The following ZAN variants were observed in gnomAD, a reference collection of about 807,000 sequenced individuals.
The protein encoded by ZAN is zonadhesin (gene/pseudogene).
ZAN carries 260 observed loss-of-function variants against 286.2 expected under a neutral mutation model. That is an observed-to-expected ratio of 0.91 (90% CI 0.82 to 1.01). ZAN has a LOEUF of 1.01. Ranked by LOEUF, ZAN falls within the 50% of genes least tolerant of loss-of-function variation. The probability of loss-of-function intolerance (pLI) is 0.00; values close to 1 mark genes in which losing one functional copy is unlikely to be tolerated. For missense variants in ZAN, 3,410 were observed against 3,639.2 expected (o/e 0.94, Z 1.62); for synonymous variants, 1,368 against 1,417.5 (o/e 0.97, Z 0.79).
chr7:100,737,616 G>C (rs932903021), intron 6 of ZAN, among the ~76,000 whole-genome samples: 1 of 140,350 alleles, frequency 7.1e-6, no homozygotes, highest in Non-Finnish European at 1.6e-5. Context: ...TGAGGCAGGA[G>C]AATGGCATGA....
chr7:100,751,118 A>G, intron 12 of ZAN, 64 bp from the exon 13 acceptor site: 1 of 1,421,778 alleles, frequency 7.0e-7, no homozygotes, highest in Non-Finnish European at 9.5e-7. Context: ...GCCCAGTGGA[A>G]TCACAGAGTT....
At position 100,771,254 on chromosome 7, in the gene ZAN, T is replaced by A. The variant is rs117190841; in HGVS notation, c.5249-590T>A. On this transcript the variant is annotated intron_variant, in intron 28 of 47. Coordinates refer to ENST00000613979, the MANE Select transcript of ZAN (RefSeq NM_003386.3). ...CACACAAATCTGGGTTTTGTTTGTT[T>A]GTTTTGTTTATATTCTCTGTTACCC... is the stretch of plus-strand genomic sequence containing the variant. Among the ~76,000 whole-genome samples the A allele has an allele frequency of 2.2e-4, 34 of 152,242 alleles. No individual in the cohort carries two copies. The East Asian group carries it at 6.0e-3, about 27-fold the overall frequency.
At chr7:100,749,697 CACACATATATATAT>C (rs1223242549) in intron 11 of ZAN, among the ~76,000 whole-genome samples, 3 of 133,478 alleles carry the variant, frequency 2.2e-5, no homozygotes, top group African/African-American at 8.1e-5. Context: ...CATATATATA[CACACATATATATAT>C]ACACACACAC....
At chr7:100,772,344 C>T (rs931167776) in intron 29 of ZAN, among the ~76,000 whole-genome samples, 1 of 150,372 alleles carries the variant, frequency 6.7e-6, no homozygotes, top group Non-Finnish European at 1.5e-5. Flanking sequence ...GTGGGAGAAT[C>T]GCTTGAACCT....
intron 39 of ZAN, 89 bp downstream of exon 39, chr7:100,789,436 G>A: frequency 6.4e-7 from 1 of 1,558,412 alleles, no homozygotes; most frequent in Non-Finnish European, 8.7e-7. Flanking sequence ...ATCCTGGTGA[G>A]CAGACTCGGC....
chr7:100,797,185 G>A (rs1404862873), intron 45 of ZAN, among the ~76,000 whole-genome samples, 181 bp from the exon 46 acceptor site: 1 of 152,048 alleles, frequency 6.6e-6, no homozygotes, highest in Non-Finnish European at 1.5e-5. Context: ...TTGGGGAGGG[G>A]GCACTAAGAC....
chr7:100,754,146 A>G (rs1408033467), intron 14 of ZAN, among the ~76,000 whole-genome samples: 1 of 152,042 alleles, frequency 6.6e-6, no homozygotes, highest in Non-Finnish European at 1.5e-5. Flanking sequence ...AGCATGCATC[A>G]GGACTTCATT....
In ZAN at chr7:100,779,468, G is replaced by A. The variant is rs914694450; in HGVS notation, c.6340G>A (p.Glu2114Lys). ...DPSCQSLLVD[E>K]QQIPAEQQEN... ...CAGTTGTCAGAGTCTCCTGGTAGAT[G>A]AGCAGCAGATTCCAGCGGAACAGCA... Residue 2114 changes from glutamate to lysine, a missense_variant, in exon 35 of 48, where the codon GAG becomes AAG. Transcript: ENST00000613979. 6.8e-6 allele frequency: 11 copies of A among 1,608,652 alleles called. No homozygotes were observed. The highest frequency in any genetic ancestry group is 1.1e-5 in the South Asian group (1 of 90,808).
At chr7:100,797,291 C>A in intron 45 of ZAN, 75 bp from the exon 46 acceptor site, 1 of 1,432,120 alleles carries the variant, frequency 7.0e-7, no homozygotes, top group Non-Finnish European at 9.7e-7. Context: ...AAGCAATCCC[C>A]AAAAGGGAGT....
At chr7:100,788,309 A>C (rs1321153998) in intron 38 of ZAN, among the ~76,000 whole-genome samples, 173 bp downstream of exon 38, 1 of 152,078 alleles carries the variant, frequency 6.6e-6, no homozygotes, top group African/African-American at 2.4e-5. Context: ...TCAGCTACTC[A>C]GGAGGCTAAG....
intron 35 of ZAN, among the ~76,000 whole-genome samples, chr7:100,780,015 T>C (rs1811097518): frequency 6.6e-6 from 1 of 152,030 alleles, no homozygotes; most frequent in Admixed American, 6.6e-5. Flanking sequence ...GCCAACATGG[T>C]GAAACCCCAT....
intron 12 of ZAN, 26 bp from the exon 13 acceptor site, chr7:100,751,156 C>T (rs1178660820): frequency 1.3e-6 from 2 of 1,558,944 alleles, no homozygotes; most frequent in South Asian, 1.2e-5. Flanking sequence ...GTTTCTCTCT[C>T]CGTCTCTCTC....
chr7:100,736,900 C>T lies in ZAN; in HGVS notation c.345C>T (p.Leu115=). 2 of 1,490,634 alleles carry T rather than the reference C, an allele frequency of 1.3e-6. No individual in the cohort carries two copies. Among genetic ancestry groups the T allele is most frequent in the Non-Finnish European group, 1.8e-6 (2 of 1,091,124 alleles). The allele number at this position is 1,490,634 out of a possible 1,614,324, so 92.3% of individuals were successfully genotyped here. A position where few individuals can be genotyped will look rare whatever the true frequency, so the allele number is the denominator to read the frequency against. The change falls in exon 5 of 48, where the codon CTC becomes CTT. Residue 115 remains leucine, a synonymous_variant. Transcript: ENST00000613979. The stretch of plus-strand genomic sequence containing the variant: ...CCGACCTATGGGAGCAAGGCCCCCT[C>T]TGTGTGCACTTTGCCCACCACATGT... ...LSPDLWEQGP[L]CVHFAHHMFG...
At chr7:100,759,596 C>A (rs1035076575) in intron 17 of ZAN, 125 bp from the exon 18 acceptor site, 23 of 1,287,838 alleles carry the variant, frequency 1.8e-5, no homozygotes, top group Non-Finnish European at 2.4e-5. Context: ...GCCTCCCCTA[C>A]TGGACTTTGG....
chr7:100,757,959 G>A (rs1282130992), intron 15 of ZAN, among the ~76,000 whole-genome samples: 1 of 150,414 alleles, frequency 6.6e-6, no homozygotes, highest in Non-Finnish European at 1.5e-5. Context: ...GGTGGCATGT[G>A]CCTGTAGTCC....
At position 100,752,094 on chromosome 7, in the gene ZAN, C is replaced by T. The variant is rs771585556; in HGVS notation, c.1989C>T (p.Thr663=). ...CCGTCCCCACAGAAGAGCCCACCAC[C>T]CCCACTGAGGAGACCACCACCTCCA... ...KPTVPTEEPT[T]PTEETTTSME... The change falls in exon 14 of 48, where the codon ACC becomes ACT. Residue 663 remains threonine (T), a synonymous_variant. Transcript: ENST00000613979. 3 of 1,612,604 alleles carry T rather than the reference C, an allele frequency of 1.9e-6. No homozygotes were observed. The South Asian group carries it at 3.3e-5, about 18-fold the overall frequency.
At chr7:100,795,475 C>A in intron 45 of ZAN, 139 bp downstream of exon 45, 1 of 875,670 alleles carries the variant, frequency 1.1e-6, no homozygotes, top group Non-Finnish European at 1.5e-6. Flanking sequence ...ATATTATAAA[C>A]ATAACAATTT....
Position 100,767,945 on chromosome 7 carries a change from G to T in ZAN, c.4975G>T (p.Asp1659Tyr), listed in dbSNP as rs368918103. The T allele has an allele frequency of 6.2e-7, 1 of 1,613,936 alleles. No homozygotes were observed. Among genetic ancestry groups the T allele is most frequent in the Non-Finnish European group, 8.5e-7 (1 of 1,179,888 alleles). Residue 1659 changes from aspartate (D) to tyrosine (Y), a missense_variant, in exon 26 of 48, where the codon GAC becomes TAC. Asp to Tyr is a radical substitution (Grantham distance 160). Coordinates refer to ENST00000613979, the MANE Select transcript of ZAN (RefSeq NM_003386.3). The part of the protein sequence containing the change: ...YTNFGLQVRY[D>Y]GSHLVEVTVP... ...GAACTTTGGGCTCCAAGTTCGCTACGACGGGAGCCACTTGGTGGAAGTGAC... is the reference window on the plus strand; with the variant it reads ...GAACTTTGGGCTCCAAGTTCGCTACTACGGGAGCCACTTGGTGGAAGTGAC...
chr7:100,749,176 T>TA (rs1476312696), intron 11 of ZAN, among the ~76,000 whole-genome samples: 82 of 150,202 alleles, frequency 5.5e-4, no homozygotes, highest in Non-Finnish European at 2.2e-4. Flanking sequence ...CTGACTCCAC[T>TA]AAAAAAAATG....
Sources: gnomAD v4.1 joint callset for allele counts (sites outside exome capture counted in the v4.1 genomes callset) on GRCh38, gnomAD v4.1.1 for gene constraint, MANE v1.5 for transcripts, NCBI Gene and HGNC (gene_info 2026-07-23, HGNC 2026-07-21) for gene names.